PCDHGA6: variants seen among roughly 807,000 people sequenced by gnomAD.
PCDHGA6 encodes protocadherin gamma-A6.
A neutral mutation model predicts 60.6 loss-of-function variants in PCDHGA6; 41 were observed. That is an observed-to-expected ratio of 0.68 (90% CI 0.53 to 0.88). The LOEUF is 0.88. Ranked by LOEUF, PCDHGA6 falls within the 40% of genes least tolerant of loss-of-function variation. The pLI is 0.00. For missense variants in PCDHGA6, 1,312 were observed against 1,203.0 expected (o/e 1.09, Z -1.34); for synonymous variants, 594 against 524.4 (o/e 1.13, Z -1.81).
chr5:141,394,809 G>C (rs1346374248), intron 1 of PCDHGA6: 1 of 1,613,892 alleles, frequency 6.2e-7, no homozygotes, highest in Non-Finnish European at 8.5e-7. Flanking sequence ...AGCCGTGGCT[G>C]ACAGCATCCC....
chr5:141,435,104 G>A (rs1009839042), intron 1 of PCDHGA6, among the ~76,000 whole-genome samples: 1 of 151,968 alleles, frequency 6.6e-6, no homozygotes, highest in Non-Finnish European at 1.5e-5. Flanking sequence ...TTATCTAGGG[G>A]GGAGAAATCT....
Position 141,486,677 on chromosome 5 carries a change from G to A in PCDHGA6, c.2425-8130G>A, listed in dbSNP as rs755512470. ...ACTCCTGGAGCCCAGGAATCGAGATGTATCAGCTTCCTCTTTCATCTCTCT... is the reference window on the plus strand; with the variant it reads ...ACTCCTGGAGCCCAGGAATCGAGATATATCAGCTTCCTCTTTCATCTCTCT... On this transcript the variant is annotated intron_variant, in intron 1 of 3. Transcript: ENST00000517434. This position sits in a 1 kb window ranked among gnomAD's most constrained non-coding sequence, Gnocchi z 5.0. The A allele has an allele frequency of 3.7e-6, 6 of 1,614,060 alleles. No individual in the cohort carries two copies. Among genetic ancestry groups the A allele is most frequent in the Middle Eastern group, 1.6e-4 (1 of 6,062 alleles).
In PCDHGA6 at chr5:141,489,459, C is replaced by A; in HGVS notation, c.2425-5348C>A. ...AATTGGGCTCTGAGGAGAATGGGCG[C>A]TATTTTTCCCTGAGCTTGATGAGTG... On this transcript the variant is annotated intron_variant, in intron 1 of 3. Transcript: ENST00000517434. The surrounding 1 kb of genome is among the most constrained non-coding windows in gnomAD (Gnocchi z 4.5). 1 of 1,614,086 alleles carries A rather than the reference C, an allele frequency of 6.2e-7. No individual in the cohort carries two copies. The highest frequency in any genetic ancestry group is 8.5e-7 in the Non-Finnish European group (1 of 1,180,012).
In PCDHGA6 at chr5:141,491,807, G is replaced by A; in HGVS notation, c.2425-3000G>A. On this transcript the variant is annotated intron_variant, in intron 1 of 3. Transcript: ENST00000517434. The surrounding 1 kb of genome is among the most constrained non-coding windows in gnomAD (Gnocchi z 6.9). ...CATCCACTCCTCTCCGGCCGGCTTG[G>A]TCGCTGGCTGCGCTCCACCCGATTC... is the stretch of plus-strand genomic sequence containing the variant. 1 of 1,491,112 alleles carries A rather than the reference G, an allele frequency of 6.7e-7. No homozygotes were observed. The highest frequency in any genetic ancestry group is 1.4e-5 in the South Asian group (1 of 73,752). The allele number at this position is 1,491,112 out of a possible 1,614,324, so 92.4% of individuals were successfully genotyped here. A position where few individuals can be genotyped will look rare whatever the true frequency, so the allele number is the denominator to read the frequency against.
intron 1 of PCDHGA6, chr5:141,388,588 C>T: frequency 6.2e-7 from 1 of 1,613,876 alleles, no homozygotes; most frequent in Non-Finnish European, 8.5e-7. Context: ...GTGACTGATG[C>T]CAATGATAAT....
intron 1 of PCDHGA6, chr5:141,416,273 T>C (rs891505781): frequency 8.5e-5 from 13 of 152,298 alleles, no homozygotes; most frequent in African/African-American, 3.1e-4. Flanking sequence ...CCTTTTTGCA[T>C]ACAATTCTCT....
chr5:141,384,210 C>T (rs1298573358), intron 1 of PCDHGA6: 2 of 1,613,886 alleles, frequency 1.2e-6, no homozygotes, highest in South Asian at 1.1e-5. Flanking sequence ...GGGAAACTCA[C>T]ATATTCATGC....
Position 141,491,504 on chromosome 5 carries a change from G to T in PCDHGA6, c.2425-3303G>T. 6.2e-7 allele frequency: 1 copy of T among 1,614,048 alleles called. No homozygotes were observed. The highest frequency in any genetic ancestry group is 2.2e-5 in the East Asian group (1 of 44,876). Reference sequence around the variant, plus strand: ...CCCAACCTGCAGGTGAGCTCGGACGGCACGCTCAAGTACATGGAGGTGACG... The same window carrying T: ...CCCAACCTGCAGGTGAGCTCGGACGTCACGCTCAAGTACATGGAGGTGACG... On this transcript the variant is annotated intron_variant, in intron 1 of 3. Transcript: ENST00000517434. The surrounding 1 kb of genome is among the most constrained non-coding windows in gnomAD (Gnocchi z 6.9).
chr5:141,458,698 T>C (rs1258294275), intron 1 of PCDHGA6, among the ~76,000 whole-genome samples: 1 of 152,054 alleles, frequency 6.6e-6, no homozygotes, highest in East Asian at 1.9e-4. Context: ...GCCTCCCGAG[T>C]AGCTGGGATT....
At chr5:141,384,593 C>A (rs1449911634) in intron 1 of PCDHGA6, 3 of 1,614,252 alleles carry the variant, frequency 1.9e-6, no homozygotes, top group South Asian at 1.1e-5. Context: ...ATCCTGTACC[C>A]GGCCCTCCCC....
rs376892761 is a variant in PCDHGA6, at chr5:141,375,904, C to T, written c.1821C>T (p.Arg607=). The change falls in exon 1 of 4, where the codon CGC becomes CGT. Residue 607 remains arginine, a synonymous_variant. Transcript: ENST00000517434. ...DSGQNAWLSY[R]LLKASEPGLF... is the part of the protein sequence containing the mutation. ...GCCAGAACGCCTGGCTGTCCTACCG[C>T]CTGCTCAAGGCCAGCGAGCCAGGAC... The T allele has an allele frequency of 2.5e-5, 41 of 1,613,756 alleles. No homozygotes were observed. In the South Asian group the frequency reaches 2.6e-4, roughly 10 times the overall value.
chr5:141,382,948 T>C, intron 1 of PCDHGA6: 4 of 1,599,496 alleles, frequency 2.5e-6, no homozygotes, highest in Non-Finnish European at 3.4e-6. Flanking sequence ...CTTCCTGCTC[T>C]CCATCCTCCT....
chr5:141,395,016 G>A (rs772379480), intron 1 of PCDHGA6: 2 of 1,614,068 alleles, frequency 1.2e-6, no homozygotes, highest in Non-Finnish European at 1.7e-6. Flanking sequence ...ATTGGTAGGC[G>A]TGCCTGCCTC....
chr5:141,405,124 G>A (rs1490821452), intron 1 of PCDHGA6: 2 of 1,614,020 alleles, frequency 1.2e-6, no homozygotes, highest in Admixed American at 3.3e-5. Context: ...CCTCGCATCT[G>A]CTGCGGGCTA....
chr5:141,421,491 A>G (rs934861223), intron 1 of PCDHGA6: 8 of 1,614,102 alleles, frequency 5.0e-6, no homozygotes, highest in Non-Finnish European at 6.8e-6. Context: ...TGATCACGGC[A>G]GGCAGGATAG....
chr5:141,474,093 C>G (rs2099341169), intron 1 of PCDHGA6, among the ~76,000 whole-genome samples: 1 of 152,098 alleles, frequency 6.6e-6, no homozygotes, highest in African/African-American at 2.4e-5. Flanking sequence ...AAAAAACAAA[C>G]AACAACAAAA....
intron 1 of PCDHGA6, chr5:141,377,186 T>G (rs1773756873): frequency 6.6e-6 from 1 of 152,252 alleles, no homozygotes; most frequent in Non-Finnish European, 1.5e-5. Context: ...TGGCAAACTA[T>G]TTGTGTCTTG....
intron 1 of PCDHGA6, chr5:141,398,707 C>G (rs1257471989): frequency 6.8e-6 from 11 of 1,613,742 alleles, no homozygotes; most frequent in African/African-American, 1.3e-5. Context: ...ATACCCGGAA[C>G]TGGCACTGGA....
In PCDHGA6 at chr5:141,376,228, A is replaced by G. The variant is rs762009445; in HGVS notation, c.2145A>G (p.Arg715=). 17 of 1,613,956 alleles carry G rather than the reference A, an allele frequency of 1.1e-5. No individual in the cohort carries two copies. Among genetic ancestry groups the G allele is most frequent in the Admixed American group, 3.3e-5 (2 of 60,006 alleles). The change falls in exon 1 of 4, where the codon AGA becomes AGG. Residue 715 remains arginine (R), a synonymous_variant. Coordinates refer to ENST00000517434, the MANE Select transcript of PCDHGA6 (RefSeq NM_018919.3). ...TCGTCATCGTGCTGCTGGCGCTCAG[A>G]CTGCAGCGCTGGCACAAGTCACGCC... is the stretch of plus-strand genomic sequence containing the variant. ...LAFVIVLLAL[R]LQRWHKSRLL... is the part of the protein sequence containing the mutation.
Sources: gnomAD v4.1 joint callset for allele counts (sites outside exome capture counted in the v4.1 genomes callset) on GRCh38, gnomAD v4.1.1 for gene constraint, Gnocchi (gnomAD v3.1) non-coding constraint, MANE v1.5 for transcripts, NCBI Gene and HGNC (gene_info 2026-07-23, HGNC 2026-07-21) for gene names.